GPC5: variants seen among roughly 807,000 people sequenced by gnomAD.
GPC5 encodes glypican-5.
In GPC5, 47 loss-of-function variants were observed where a neutral mutation model predicts 53.9. The ratio of observed to expected loss-of-function variants is 0.87; its 90% CI spans 0.69 to 1.11. GPC5 has a LOEUF of 1.11. GPC5 is among the 50% of genes most tolerant of loss of function. The pLI is 0.00. For synonymous variants in GPC5, 286 were observed against 263.3 expected, an observed-to-expected ratio of 1.09 and a Z score of -0.84; for missense variants, 748 against 713.1, an observed-to-expected ratio of 1.05 and a Z score of -0.56.
At chr13:91,869,001 G>C (rs1474766757) in intron 5 of GPC5, among the ~76,000 whole-genome samples, 1 of 152,054 alleles carries the variant, frequency 6.6e-6, no homozygotes, top group Non-Finnish European at 1.5e-5. Context: ...ACATATATGG[G>C]GTGAAATTGT....
intron 2 of GPC5, among the ~76,000 whole-genome samples, chr13:91,692,800 T>C (rs1001283345): frequency 6.6e-6 from 1 of 152,114 alleles, no homozygotes; most frequent in South Asian, 2.1e-4. Context: ...TCTGCCACCA[T>C]GCCTGGGTAA....
intron 6 of GPC5, among the ~76,000 whole-genome samples, chr13:91,926,960 TTA>T (rs1353460477): frequency 1.3e-5 from 2 of 152,208 alleles, no homozygotes; most frequent in Admixed American, 6.5e-5. Flanking sequence ...TCTGAAAACT[TTA>T]TGTTAGAATT....
At chr13:91,670,002 ACT>A in intron 2 of GPC5, among the ~76,000 whole-genome samples, 2 of 152,332 alleles carry the variant, frequency 1.3e-5, no homozygotes, top group South Asian at 4.1e-4. Flanking sequence ...ATTATTGGAC[ACT>A]GAGTGAACCC....
At chr13:91,622,739 G>A (rs1234754744) in intron 2 of GPC5, among the ~76,000 whole-genome samples, 2 of 152,116 alleles carry the variant, frequency 1.3e-5, no homozygotes, top group Non-Finnish European at 2.9e-5. Flanking sequence ...CCTGTGCATG[G>A]GTGGTTGAGG....
intron 6 of GPC5, among the ~76,000 whole-genome samples, chr13:91,934,595 T>G (rs148462929): frequency 1.3e-5 from 2 of 152,086 alleles, no homozygotes; most frequent in South Asian, 2.1e-4. Context: ...ACAGAATAGA[T>G]AGCAGCTGAA....
At chr13:92,164,335 A>T (rs1271954892) in intron 7 of GPC5, among the ~76,000 whole-genome samples, 1 of 152,194 alleles carries the variant, frequency 6.6e-6, no homozygotes, top group East Asian at 1.9e-4. Context: ...AGCAACATAC[A>T]GTGGGGGTAC....
intron 7 of GPC5, among the ~76,000 whole-genome samples, chr13:92,646,574 T>C (rs1230874800): frequency 1.3e-5 from 2 of 152,142 alleles, no homozygotes; most frequent in South Asian, 4.1e-4. Context: ...TTGATAGGGA[T>C]TGAATTGAAT....
chr13:92,600,020 G>A (rs1393210017), intron 7 of GPC5, among the ~76,000 whole-genome samples: 3 of 152,126 alleles, frequency 2.0e-5, no homozygotes, highest in Non-Finnish European at 4.4e-5. Flanking sequence ...ATATAGTGTG[G>A]CAGAAGCAGT....
At chr13:91,520,494 A>C (rs1885745401) in intron 2 of GPC5, among the ~76,000 whole-genome samples, 1 of 152,196 alleles carries the variant, frequency 6.6e-6, no homozygotes, top group African/African-American at 2.4e-5. Flanking sequence ...GAGGTTCAAC[A>C]AGGAAGAAGA....
At chr13:92,229,183 G>C (rs1230753651) in intron 7 of GPC5, among the ~76,000 whole-genome samples, 1 of 152,022 alleles carries the variant, frequency 6.6e-6, no homozygotes, top group African/African-American at 2.4e-5. Flanking sequence ...GTTAAGTGGG[G>C]AAGTGAGGTA....
chr13:92,265,309 C>T (rs1349207086), intron 7 of GPC5, among the ~76,000 whole-genome samples: 1 of 152,090 alleles, frequency 6.6e-6, no homozygotes, highest in East Asian at 1.9e-4. Flanking sequence ...TTAAAAGAAG[C>T]CACACAGCTG....
chr13:92,202,531 GAACA>G (rs1405199088), intron 7 of GPC5, among the ~76,000 whole-genome samples: 15 of 152,226 alleles, frequency 9.9e-5, no homozygotes, highest in South Asian at 2.1e-4. Context: ...GTTGTAACTA[GAACA>G]AACAAATAGT....
intron 7 of GPC5, among the ~76,000 whole-genome samples, chr13:92,522,166 G>T (rs1440221693): frequency 6.6e-6 from 1 of 152,124 alleles, no homozygotes; most frequent in Non-Finnish European, 1.5e-5. Context: ...TTATACTGTT[G>T]GTGGGACTGT....
chr13:91,721,992 G>T (rs1366568134), intron 3 of GPC5, among the ~76,000 whole-genome samples: 2 of 152,100 alleles, frequency 1.3e-5, no homozygotes, highest in African/African-American at 4.8e-5. Context: ...AAGGTTCCTT[G>T]CTCTATTCCC....
At chr13:91,752,411 C>T (rs549870538) in intron 4 of GPC5, among the ~76,000 whole-genome samples, 28 of 152,234 alleles carry the variant, frequency 1.8e-4, no homozygotes, top group African/African-American at 6.3e-4. Context: ...AAGGCCCTGT[C>T]TCCAAACACA....
At chr13:92,761,710 C>T (rs544434295) in intron 7 of GPC5, among the ~76,000 whole-genome samples, 1 of 152,212 alleles carries the variant, frequency 6.6e-6, no homozygotes, top group African/African-American at 2.4e-5. Context: ...AATCCATTTA[C>T]ATTAAAGTAA....
chr13:92,100,349 C>T (rs1045505330), intron 6 of GPC5, among the ~76,000 whole-genome samples: 5 of 152,036 alleles, frequency 3.3e-5, no homozygotes, highest in African/African-American at 1.2e-4. Flanking sequence ...TTGCCGTGAG[C>T]CGAGATCACA....
intron 7 of GPC5, among the ~76,000 whole-genome samples, chr13:92,795,742 T>C (rs4465482): frequency 0.052 from 7,957 of 152,038 alleles, 626 homozygotes; most frequent in East Asian, 0.32. Context: ...ATTTATGCAG[T>C]GAACAGACAC....
chr13:92,432,356 GGTT>G lies in GPC5; in HGVS notation c.1561+287368_1561+287370del, dbSNP rs1325884832. ...ACTAGTTTTTTTATTGTTGGTGGTG[GGTT>G]TTTTTTTTTTTTTTTTTTTTCTTGA... On this transcript the variant is annotated intron_variant, in intron 7 of 7. Coordinates refer to ENST00000377067, the MANE Select transcript of GPC5 (RefSeq NM_004466.6). Among the ~76,000 whole-genome samples, 438 of 141,514 alleles carry G rather than the reference GGTT, an allele frequency of 3.1e-3. 3 individuals are homozygous for G. Among genetic ancestry groups the G allele is most frequent in the African/African-American group, 0.011 (412 of 38,042 alleles). The allele number at this position is 141,514 out of a possible 152,430, so 92.8% of individuals were successfully genotyped here. A position where few individuals can be genotyped will look rare whatever the true frequency, so the allele number is the denominator to read the frequency against.
Sources: allele counts gnomAD v4.1 joint callset (sites outside exome capture counted in the v4.1 genomes callset), GRCh38; gene constraint gnomAD v4.1.1; transcripts MANE v1.5; gene names NCBI Gene and HGNC (gene_info 2026-07-23, HGNC 2026-07-21).